Variants in ZC3H11A observed in about 807,000 individuals in gnomAD.
ZC3H11A encodes zinc finger CCCH-type containing 11A, also known as zinc finger CCCH domain-containing protein 11A.
In ZC3H11A, 22 loss-of-function variants were observed where a neutral mutation model predicts 90.8. That is an observed-to-expected ratio of 0.24 (90% CI 0.17 to 0.35). ZC3H11A has a LOEUF of 0.35. Among genes scored for constraint, ZC3H11A ranks in the 10% least tolerant of loss-of-function variants. ZC3H11A has a pLI of 1.00. For synonymous variants in ZC3H11A, 294 were observed against 339.8 expected, an observed-to-expected ratio of 0.87 and a Z score of 1.48; for missense variants, 701 against 964.9, an observed-to-expected ratio of 0.73 and a Z score of 3.62.
intron 3 of ZC3H11A, among the ~76,000 whole-genome samples, chr1:203,817,715 A>G (rs1572060445): frequency 6.6e-6 from 1 of 151,978 alleles, no homozygotes; most frequent in Admixed American, 6.6e-5. Flanking sequence ...ATAAACGTAT[A>G]TGTTAAAAAA....
intron 1 of ZC3H11A, chr1:203,800,257 GT>G: frequency 9.1e-7 from 1 of 1,104,006 alleles, no homozygotes; most frequent in Non-Finnish European, 1.3e-6. Context: ...CCCATGTGTA[GT>G]TGGCAATCTG....
rs752252881 is a variant in ZC3H11A, at chr1:203,847,685, C to G, written c.1544C>G (p.Thr515Arg). 1.9e-6 allele frequency: 3 copies of G among 1,611,882 alleles called. No individual in the cohort carries two copies. The highest frequency in any genetic ancestry group is 2.2e-5 in the East Asian group (1 of 44,886). Residue 515 changes from threonine (T) to arginine (R), a missense_variant and splice_region_variant, in exon 13 of 18, where the codon ACA becomes AGA. Around this residue, in one of 4 missense-constraint regions of ZC3H11A, gnomAD observed 530 missense variants for 696.2 expected, o/e 0.76. Coordinates refer to ENST00000367210, the MANE Select transcript of ZC3H11A (RefSeq NM_001376342.1). ...CGGCTGCTGCGAATCACCAAAAGAA[C>G]AGGTAACAAGAGAACTTGGTCTCTA... ...ARRLLRITKR[T>R]GMKEEKNLQE...
At chr1:203,804,529 G>A (rs1671599122) in intron 2 of ZC3H11A, among the ~76,000 whole-genome samples, 1 of 152,026 alleles carries the variant, frequency 6.6e-6, no homozygotes, top group Admixed American at 6.6e-5. Flanking sequence ...GCCATCATCT[G>A]AATGATTATT....
At chr1:203,821,901 G>A (rs1678854728) in intron 4 of ZC3H11A, among the ~76,000 whole-genome samples, 1 of 151,994 alleles carries the variant, frequency 6.6e-6, no homozygotes, top group African/African-American at 2.4e-5. Context: ...GGGATTACAG[G>A]TGCCCGCCAC....
At chr1:203,826,393 TA>T (rs1680550689) in intron 4 of ZC3H11A, among the ~76,000 whole-genome samples, 1 of 151,402 alleles carries the variant, frequency 6.6e-6, no homozygotes, top group Non-Finnish European at 1.5e-5. Context: ...TAATTCTTTT[TA>T]AAAATTATAC....
At chr1:203,821,278 T>C (rs1678591406) in intron 4 of ZC3H11A, among the ~76,000 whole-genome samples, 1 of 152,234 alleles carries the variant, frequency 6.6e-6, no homozygotes, top group East Asian at 1.9e-4. Flanking sequence ...TCCTGAAGCC[T>C]CCCCAGCCAT....
intron 8 of ZC3H11A, among the ~76,000 whole-genome samples, chr1:203,830,780 G>C (rs1486777635): frequency 6.6e-6 from 1 of 151,928 alleles, no homozygotes; most frequent in Non-Finnish European, 1.5e-5. Flanking sequence ...TTGTATTCCA[G>C]CCTGGCGACA....
intron 1 of ZC3H11A, chr1:203,800,582 A>G: frequency 1.2e-6 from 1 of 869,084 alleles, no homozygotes; most frequent in Non-Finnish European, 1.6e-6. Context: ...GAAATCACAC[A>G]AGGGCTGAAA....
chr1:203,812,810 G>A (rs1222706131), intron 2 of ZC3H11A, among the ~76,000 whole-genome samples: 1 of 152,020 alleles, frequency 6.6e-6, no homozygotes, highest in Non-Finnish European at 1.5e-5. Flanking sequence ...TTGAACTCCT[G>A]ACCTCAGATG....
chr1:203,798,740 C>G (rs1483567190), intron 1 of ZC3H11A: 1 of 1,536,110 alleles, frequency 6.5e-7, no homozygotes, highest in Admixed American at 2.0e-5. Flanking sequence ...GAAATCCAGT[C>G]TCAAGTCACA....
intron 1 of ZC3H11A, chr1:203,800,085 A>G: frequency 6.5e-7 from 1 of 1,536,078 alleles, no homozygotes; most frequent in Non-Finnish European, 8.7e-7. Flanking sequence ...TGCCCTTGGA[A>G]GCAAAAGCTT....
chr1:203,809,336 C>T (rs1006838958), intron 2 of ZC3H11A, among the ~76,000 whole-genome samples: 16 of 151,790 alleles, frequency 1.1e-4, no homozygotes, highest in South Asian at 4.2e-4. Context: ...CTACCGTGCC[C>T]GGCTAATTTT....
intron 11 of ZC3H11A, among the ~76,000 whole-genome samples, chr1:203,838,896 T>TG (rs201511544): frequency 0.02 from 2,866 of 141,238 alleles, 96 homozygotes; most frequent in African/African-American, 0.068. Context: ...GAGGTTACAG[T>TG]GAGCCAAGAT....
intron 11 of ZC3H11A, among the ~76,000 whole-genome samples, chr1:203,839,419 G>A (rs1685394825): frequency 6.6e-6 from 1 of 152,128 alleles, no homozygotes; most frequent in South Asian, 2.1e-4. Context: ...TGTATGACTT[G>A]CAGTGAAACA....
At chr1:203,836,780 A>C (rs1428160156) in intron 10 of ZC3H11A, among the ~76,000 whole-genome samples, 1 of 152,118 alleles carries the variant, frequency 6.6e-6, no homozygotes, top group Non-Finnish European at 1.5e-5. Context: ...CGTCTCAGAA[A>C]GCAGCTAGAA....
intron 10 of ZC3H11A, 42 bp downstream of exon 10, chr1:203,833,895 T>C: frequency 1.9e-6 from 3 of 1,579,776 alleles, no homozygotes; most frequent in Non-Finnish European, 2.6e-6. Flanking sequence ...TCTACTTGTT[T>C]GTGCATTAAC....
intron 11 of ZC3H11A, among the ~76,000 whole-genome samples, chr1:203,839,430 C>T (rs1685398476): frequency 6.6e-6 from 1 of 152,018 alleles, no homozygotes; most frequent in Admixed American, 6.6e-5. Context: ...CAGTGAAACA[C>T]TGGCGTTAAA....
chr1:203,836,632 C>T (rs112407081), intron 10 of ZC3H11A, among the ~76,000 whole-genome samples: 26,742 of 152,132 alleles, frequency 0.18, 2,514 homozygotes, highest in Middle Eastern at 0.25. Context: ...AAAAATCAGC[C>T]AGGCATGGTG....
At chr1:203,815,998 G>A (rs986195162) in intron 2 of ZC3H11A, among the ~76,000 whole-genome samples, 1 of 152,150 alleles carries the variant, frequency 6.6e-6, no homozygotes, top group African/African-American at 2.4e-5. Flanking sequence ...CTACTTTTGC[G>A]TCTTGTTTGT....
Sources: allele counts gnomAD v4.1 joint callset (sites outside exome capture counted in the v4.1 genomes callset), GRCh38; gene constraint gnomAD v4.1.1; regional missense constraint gnomAD v4.1.1; transcripts MANE v1.5; gene names NCBI Gene and HGNC (gene_info 2026-07-23, HGNC 2026-07-21).